Variants in ERCC6 observed in about 807,000 individuals in gnomAD.
ERCC6 encodes ERCC excision repair 6, chromatin remodeling factor.
ERCC6 carries 116 observed loss-of-function variants against 158.7 expected under a neutral mutation model. That is an observed-to-expected ratio of 0.73 (90% CI 0.63 to 0.85). ERCC6 has a LOEUF of 0.85. ERCC6 is among the 40% of genes least tolerant of loss of function. The pLI is 0.00. For synonymous variants in ERCC6, 678 were observed against 659.3 expected (o/e 1.03, Z -0.43); for missense variants, 1,698 against 1,799.4 (o/e 0.94, Z 1.02).
intron 5 of ERCC6, 61 bp from the exon 6 acceptor site, chr10:49,506,073 T>C (rs1851437905): frequency 5.0e-6 from 8 of 1,594,894 alleles, no homozygotes; most frequent in Non-Finnish European, 6.0e-6. Context: ...TTTAAAAAGA[T>C]AGCTCCTGAT....
intron 8 of ERCC6, among the ~76,000 whole-genome samples, chr10:49,487,839 T>G (rs1851102240): frequency 6.6e-6 from 1 of 152,190 alleles, no homozygotes; most frequent in Non-Finnish European, 1.5e-5. Flanking sequence ...GTATTAATGA[T>G]TAACAAGAAT....
chr10:49,462,974 A>C (rs1850610283), intron 18 of ERCC6, among the ~76,000 whole-genome samples: 1 of 152,248 alleles, frequency 6.6e-6, no homozygotes, highest in African/African-American at 2.4e-5. Context: ...GTATAAGCAC[A>C]GGATTATTTA....
chr10:49,537,502 T>TATACACAC (rs1554795255), intron 1 of ERCC6, among the ~76,000 whole-genome samples: 9 of 128,806 alleles, frequency 7.0e-5, no homozygotes, highest in African/African-American at 2.2e-4. Context: ...TATATATATA[T>TATACACAC]ACACATACAC....
intron 4 of ERCC6, chr10:49,525,012 A>G (rs1837278822): frequency 1.0e-6 from 1 of 958,454 alleles, no homozygotes. Context: ...TCCCCAAAAT[A>G]TTTCACTATA....
chr10:49,524,309 TACTC>T lies in ERCC6; in HGVS notation c.1117_1120del (p.Glu373IlefsTer31), dbSNP rs776852962. ...CTCTTCCTCCTCCTCTGTGGGGAAATACTCAGACTCTTCACCCTCAGAGTCTCCC... is the reference window on the plus strand; with the variant it reads ...CTCTTCCTCCTCCTCTGTGGGGAAATAGACTCTTCACCCTCAGAGTCTCCC... On this transcript the variant is annotated frameshift_variant, in exon 5 of 21. Transcript: ENST00000355832. LOFTEE classifies it high-confidence loss of function. 1 of 1,614,064 alleles carries T rather than the reference TACTC, an allele frequency of 6.2e-7. No individual in the cohort carries two copies. The highest frequency in any genetic ancestry group is 8.5e-7 in the Non-Finnish European group (1 of 1,179,990).
intron 7 of ERCC6, among the ~76,000 whole-genome samples, chr10:49,496,574 G>A (rs1010812922): frequency 3.3e-5 from 5 of 152,248 alleles, no homozygotes; most frequent in African/African-American, 1.2e-4. Context: ...TTGGGAGGCC[G>A]AGGCGGGTGG....
chr10:49,443,962 G>A, the ERCC6 span, among the ~76,000 whole-genome samples: 1 of 152,146 alleles, frequency 6.6e-6, no homozygotes, highest in East Asian at 1.9e-4. Flanking sequence ...AGTGGTTGAC[G>A]ACAGGAAAAG....
chr10:49,498,941 G>A (rs4253121), intron 7 of ERCC6, among the ~76,000 whole-genome samples: 29,402 of 152,020 alleles, frequency 0.19, 3,274 homozygotes, highest in South Asian at 0.35. Context: ...AGGAGTTTGG[G>A]GTTGTCTAGT....
At chr10:49,513,565 G>A (rs553372727) in intron 5 of ERCC6, among the ~76,000 whole-genome samples, 3 of 152,088 alleles carry the variant, frequency 2.0e-5, no homozygotes, top group Non-Finnish European at 2.9e-5. Flanking sequence ...AATTCGGCAC[G>A]GCTGGGAGGC....
chr10:49,507,048 G>A (rs115522942), intron 5 of ERCC6, among the ~76,000 whole-genome samples: 12 of 152,244 alleles, frequency 7.9e-5, no homozygotes, highest in African/African-American at 2.4e-4. Flanking sequence ...GAGAATGTCC[G>A]AGGGAAGGCA....
At chr10:49,493,762 T>C (rs1275348888) in intron 7 of ERCC6, among the ~76,000 whole-genome samples, 1 of 152,162 alleles carries the variant, frequency 6.6e-6, no homozygotes, top group South Asian at 2.1e-4. Context: ...ATGGCCCAGG[T>C]GACATGGCTA....
intron 10 of ERCC6, among the ~76,000 whole-genome samples, chr10:49,481,852 C>T (rs1448067041): frequency 1.3e-5 from 2 of 152,202 alleles, no homozygotes; most frequent in Non-Finnish European, 2.9e-5. Flanking sequence ...TCTCAGACCA[C>T]CACCCAAGAT....
At chr10:49,506,255 T>C (rs1173327449) in intron 5 of ERCC6, 1 of 534,594 alleles carries the variant, frequency 1.9e-6, no homozygotes, top group Non-Finnish European at 3.3e-6. Flanking sequence ...TAAGGTCTCA[T>C]TTCATTATCA....
Position 49,499,797 on chromosome 10 carries a change from T to C in ERCC6, c.1685+741A>G, listed in dbSNP as rs532298256. Among the ~76,000 whole-genome samples the C allele has an allele frequency of 3.9e-5, 6 of 152,354 alleles. No individual in the cohort carries two copies. The South Asian group carries it at 1.0e-3, about 26-fold the overall frequency. Reference sequence around the variant, plus strand: ...CCATATCAAATAGATTAAATGCTTATTCTTCTGGAATACAAAAGCCTTAAT... The same window carrying C: ...CCATATCAAATAGATTAAATGCTTACTCTTCTGGAATACAAAAGCCTTAAT... On this transcript the variant is annotated intron_variant, in intron 7 of 20. Transcript: ENST00000355832.
intron 5 of ERCC6, chr10:49,515,764 T>C (rs1398997600): frequency 1.9e-6 from 3 of 1,614,070 alleles, no homozygotes; most frequent in Admixed American, 3.3e-5. Flanking sequence ...TTGATCATGT[T>C]TGGCTGCTGA....
At chr10:49,474,915 T>C (rs112304654) in intron 12 of ERCC6, among the ~76,000 whole-genome samples, 98 of 152,280 alleles carry the variant, frequency 6.4e-4, no homozygotes, top group African/African-American at 2.2e-3. Flanking sequence ...GAGAGGATGA[T>C]TCAAATCAAA....
intron 6 of ERCC6, chr10:49,503,229 C>T (rs1304669643): frequency 6.6e-6 from 1 of 152,090 alleles, no homozygotes; most frequent in Non-Finnish European, 1.5e-5. Context: ...AGCATAGGAT[C>T]CCAAAAGGAA....
intron 10 of ERCC6, among the ~76,000 whole-genome samples, chr10:49,482,310 T>C (rs554191324): frequency 6.6e-6 from 1 of 152,294 alleles, no homozygotes; most frequent in South Asian, 2.1e-4. Flanking sequence ...ACTACCCCAG[T>C]TTGCAGGACT....
At chr10:49,515,216 T>A (rs1836910172) in intron 5 of ERCC6, 18 of 1,323,146 alleles carry the variant, frequency 1.4e-5, no homozygotes, top group South Asian at 2.5e-5. Flanking sequence ...GAAAAAAAAA[T>A]TTATTATGTT....
Sources: allele counts gnomAD v4.1 joint callset (sites outside exome capture counted in the v4.1 genomes callset), GRCh38; gene constraint gnomAD v4.1.1; transcripts MANE v1.5; gene names NCBI Gene and HGNC (gene_info 2026-07-23, HGNC 2026-07-21).